Variants in RIMS1 observed in about 807,000 individuals in gnomAD.
RIMS1 encodes the protein regulating synaptic membrane exocytosis protein 1.
In RIMS1, 83 loss-of-function variants were observed where a neutral mutation model predicts 214.1. The observed-to-expected ratio is 0.39, with a 90% CI of 0.32 to 0.47. RIMS1 has a LOEUF of 0.47. Among genes scored for constraint, RIMS1 ranks in the 20% least tolerant of loss-of-function variants. RIMS1 has a pLI of 0.99. For synonymous variants in RIMS1, 793 were observed against 786.8 expected, an observed-to-expected ratio of 1.01 and a Z score of -0.13; for missense variants, 2,050 against 2,161.8, an observed-to-expected ratio of 0.95 and a Z score of 1.03.
At chr6:71,998,087 G>A (rs1483860718) in intron 2 of RIMS1, among the ~76,000 whole-genome samples, 1 of 152,128 alleles carries the variant, frequency 6.6e-6, no homozygotes, top group East Asian at 1.9e-4. Context: ...CTCAGGATGG[G>A]ATCTGTGGGT....
intron 4 of RIMS1, among the ~76,000 whole-genome samples, chr6:72,130,899 A>C (rs943998705): frequency 6.6e-6 from 1 of 152,198 alleles, no homozygotes; most frequent in Non-Finnish European, 1.5e-5. Flanking sequence ...AATATTTATC[A>C]AAAAGCCTTG....
At chr6:71,925,403 G>A (rs931044788) in intron 1 of RIMS1, among the ~76,000 whole-genome samples, 1 of 152,174 alleles carries the variant, frequency 6.6e-6, no homozygotes, top group African/African-American at 2.4e-5. Flanking sequence ...GAAATGGTCA[G>A]GCATACGTTA....
At position 72,283,786 on chromosome 6, in the gene RIMS1, G is replaced by A. The variant is rs942628642; in HGVS notation, c.3483-261G>A. ...TTCATATTAGATCATTGTTGTAGAC[G>A]TACTTGTCTAGACTAATGAAATGTC... is the stretch of plus-strand genomic sequence containing the variant. On this transcript the variant is annotated intron_variant, in intron 23 of 33. Transcript: ENST00000521978. 2.0e-5 allele frequency among the ~76,000 whole-genome samples: 3 copies of A among 152,090 alleles called. 1 individual carries two copies. Among genetic ancestry groups the A allele is most frequent in the South Asian group, 4.1e-4 (2 of 4,828 alleles).
chr6:72,373,158 A>T (rs1176103226), intron 29 of RIMS1, among the ~76,000 whole-genome samples: 3 of 152,282 alleles, frequency 2.0e-5, no homozygotes, highest in Middle Eastern at 6.8e-3. Context: ...TAAGGTTTCA[A>T]TGCTAAGTTT....
At chr6:71,902,013 G>C (rs1474072727) in intron 1 of RIMS1, among the ~76,000 whole-genome samples, 1 of 152,086 alleles carries the variant, frequency 6.6e-6, no homozygotes, top group Non-Finnish European at 1.5e-5. Flanking sequence ...GGGGAAAGAA[G>C]CATGAGAAGA....
At chr6:72,005,099 T>A (rs1584664449) in intron 2 of RIMS1, among the ~76,000 whole-genome samples, 1 of 152,058 alleles carries the variant, frequency 6.6e-6, no homozygotes, top group African/African-American at 2.4e-5. Flanking sequence ...GGCTAGCCAG[T>A]TTTCCCAGCA....
Position 72,261,440 on chromosome 6 carries a change from T to C in RIMS1, c.3116+673T>C. 3.0e-6 allele frequency: 3 copies of C among 984,382 alleles called. No individual in the cohort carries two copies. The South Asian group carries it at 1.4e-4, about 46-fold the overall frequency. 61.0% of individuals were successfully genotyped at this position (984,382 alleles called of 1,614,324 possible). On this transcript the variant is annotated intron_variant, in intron 19 of 33. Coordinates refer to ENST00000521978, the MANE Select transcript of RIMS1 (RefSeq NM_014989.7). ...TAATTTTTGCTTCTAAATTGGAGCT[T>C]AGAGCCTGATGCTTTATGTTAATCT...
chr6:71,979,179 G>A (rs905500131), intron 2 of RIMS1, among the ~76,000 whole-genome samples: 1 of 152,186 alleles, frequency 6.6e-6, no homozygotes, highest in African/African-American at 2.4e-5. Flanking sequence ...TTCTGGAAGA[G>A]TAGAACTTAA....
intron 29 of RIMS1, among the ~76,000 whole-genome samples, chr6:72,383,608 T>TAAAAAAAA (rs1170633297): frequency 3.5e-5 from 3 of 85,918 alleles, no homozygotes; most frequent in African/African-American, 4.6e-5. Flanking sequence ...ACCCCATCTC[T>TAAAAAAAA]AAAAAAAAAA....
chr6:72,365,418 C>G (rs1271334744), intron 29 of RIMS1, among the ~76,000 whole-genome samples: 1 of 152,206 alleles, frequency 6.6e-6, no homozygotes, highest in East Asian at 1.9e-4. Context: ...GTAGGCTAAA[C>G]TTTTGAATTA....
Position 72,250,923 on chromosome 6 carries a change from ATAAAAG to A in RIMS1, c.2382_2387del (p.Ser794_Lys795del), listed in dbSNP as rs2073027615. On this transcript the variant is annotated inframe_deletion, in exon 14 of 34. Coordinates refer to ENST00000521978, the MANE Select transcript of RIMS1 (RefSeq NM_014989.7). ...TACAAAACATACTTATTTTTCAGTG[ATAAAAG>A]TAAAAGGAGGACCAAAACAGTAAAG... is the stretch of plus-strand genomic sequence containing the variant. 1.3e-6 allele frequency: 2 copies of A among 1,490,976 alleles called. No homozygotes were observed. Among genetic ancestry groups the A allele is most frequent in the Admixed American group, 2.4e-5 (1 of 42,198 alleles). 92.4% of individuals were successfully genotyped at this position (1,490,976 alleles called of 1,614,324 possible). A position where few individuals can be genotyped will look rare whatever the true frequency, so the allele number is the denominator to read the frequency against.
intron 14 of RIMS1, 32 bp from the exon 15 acceptor site, chr6:72,251,183 T>C: frequency 1.3e-6 from 2 of 1,575,044 alleles, no homozygotes; most frequent in Non-Finnish European, 1.7e-6. Flanking sequence ...TTGATAAAGG[T>C]ACTTGATTTA....
intron 2 of RIMS1, among the ~76,000 whole-genome samples, chr6:72,060,888 C>T (rs78959046): frequency 0.012 from 1,863 of 152,190 alleles, 46 homozygotes; most frequent in African/African-American, 0.043. Context: ...GTACTTAACA[C>T]GTTTCCTTAT....
intron 2 of RIMS1, among the ~76,000 whole-genome samples, chr6:71,997,237 C>T (rs1803729355): frequency 2.0e-5 from 3 of 151,956 alleles, no homozygotes; most frequent in Admixed American, 2.0e-4. Flanking sequence ...ATGATTAAAC[C>T]TTGACATAAG....
In RIMS1 at chr6:71,886,943, G is replaced by A. The variant is rs1479067355; in HGVS notation, c.-81G>A. ...GCCGCTAGGGCTCCGCTGTGAGGGG[G>A]AAGCAGGGGCGCAGCTGCTGGGCGT... On this transcript the variant is annotated 5_prime_UTR_variant, in exon 1 of 34. Transcript: ENST00000521978. 4.0e-5 allele frequency: 60 copies of A among 1,508,582 alleles called. No homozygotes were observed. Among genetic ancestry groups the A allele is most frequent in the Non-Finnish European group, 4.3e-5 (48 of 1,111,352 alleles). The allele number at this position is 1,508,582 out of a possible 1,614,324, so 93.4% of individuals were successfully genotyped here.
At position 72,187,479 on chromosome 6, in the gene RIMS1, GT is replaced by G. The variant is rs61420518; in HGVS notation, c.1678+4346del. ...TAATTTGTGTCCAGATATCCTTTTT[GT>G]TTTTTTTTTTTTTTTGGAGACAGAG... On this transcript the variant is annotated intron_variant, in intron 6 of 33. Transcript: ENST00000521978. 3.3e-3 allele frequency among the ~76,000 whole-genome samples: 420 copies of G among 125,578 alleles called. 1 individual carries two copies. Among genetic ancestry groups the G allele is most frequent in the Non-Finnish European group, 4.4e-3 (274 of 62,454 alleles). The allele number at this position is 125,578 out of a possible 152,430, so 82.4% of individuals were successfully genotyped here. A position where few individuals can be genotyped will look rare whatever the true frequency, so the allele number is the denominator to read the frequency against.
At chr6:72,005,159 G>C (rs565177882) in intron 2 of RIMS1, among the ~76,000 whole-genome samples, 1 of 152,140 alleles carries the variant, frequency 6.6e-6, no homozygotes, top group African/African-American at 2.4e-5. Context: ...TTTCTCAGCT[G>C]TGTCAAAGAT....
At chr6:72,239,979 A>G (rs2066012543) in intron 9 of RIMS1, among the ~76,000 whole-genome samples, 1 of 151,018 alleles carries the variant, frequency 6.6e-6, no homozygotes, top group South Asian at 2.1e-4. Context: ...CTAATATCTC[A>G]CCTGGAACAA....
chr6:72,105,285 C>T (rs1449061213), intron 4 of RIMS1, among the ~76,000 whole-genome samples: 2 of 151,970 alleles, frequency 1.3e-5, no homozygotes, highest in Admixed American at 1.3e-4. Context: ...TTACTGTCAT[C>T]AGTAGTCTCA....
Sources: gnomAD v4.1 joint callset for allele counts (sites outside exome capture counted in the v4.1 genomes callset) on GRCh38, gnomAD v4.1.1 for gene constraint, MANE v1.5 for transcripts, NCBI Gene and HGNC (gene_info 2026-07-23, HGNC 2026-07-21) for gene names.